The following MSRA variants were observed in gnomAD, a reference collection of about 807,000 sequenced individuals.
The protein encoded by MSRA is methionine sulfoxide reductase A.
In MSRA, 54 loss-of-function variants were observed where a neutral mutation model predicts 31.3. That is an observed-to-expected ratio of 1.73 (90% CI 1.39 to 2.17). MSRA has a LOEUF of 2.17. Among genes scored for constraint, MSRA ranks in the 30% most tolerant of loss-of-function variants. The pLI, the probability that MSRA is intolerant of heterozygous loss-of-function variation, is 0.00. For missense variants in MSRA, 507 were observed against 300.9 expected, an observed-to-expected ratio of 1.69 and a Z score of -5.07; for synonymous variants, 169 against 116.5, an observed-to-expected ratio of 1.45 and a Z score of -2.90.
chr8:10,195,136 A>G (rs1169013938), intron 1 of MSRA, among the ~76,000 whole-genome samples: 2 of 152,186 alleles, frequency 1.3e-5, no homozygotes, highest in African/African-American at 4.8e-5. Flanking sequence ...TAGGACCAGT[A>G]TTTTTACAAG....
intron 1 of MSRA, among the ~76,000 whole-genome samples, chr8:10,188,372 A>T (rs773840840): frequency 6.6e-6 from 1 of 152,230 alleles, no homozygotes; most frequent in Non-Finnish European, 1.5e-5. Context: ...TAACAGTCAC[A>T]TTCCTCTCAT....
intron 1 of MSRA, chr8:10,095,680 A>C (rs1585134657): frequency 9.8e-7 from 1 of 1,016,444 alleles, no homozygotes; most frequent in South Asian, 4.6e-5. Flanking sequence ...GCTTCAGGAA[A>C]GAAAACCGTC....
chr8:10,188,572 T>TA (rs1444191956), intron 1 of MSRA, among the ~76,000 whole-genome samples: 12 of 152,380 alleles, frequency 7.9e-5, no homozygotes, highest in Admixed American at 6.5e-5. Flanking sequence ...CATTTAAAGT[T>TA]AATTGTCGTA....
At chr8:10,059,492 T>C (rs1362771858) in intron 1 of MSRA, among the ~76,000 whole-genome samples, 1 of 152,222 alleles carries the variant, frequency 6.6e-6, no homozygotes, top group Non-Finnish European at 1.5e-5. Context: ...TATACTCTTT[T>C]TCCATTTAGG....
intron 3 of MSRA, among the ~76,000 whole-genome samples, chr8:10,274,893 G>A (rs764080903): frequency 7.2e-5 from 11 of 152,130 alleles, no homozygotes; most frequent in South Asian, 2.1e-4. Context: ...CCATCTATCC[G>A]TCCATCCAAC....
intron 5 of MSRA, among the ~76,000 whole-genome samples, chr8:10,394,144 G>A (rs1385848246): frequency 3.9e-5 from 6 of 152,132 alleles, no homozygotes; most frequent in Non-Finnish European, 7.3e-5. Context: ...CAGTCTCTTC[G>A]ACGTCCTCAT....
rs529872995 is a variant in MSRA at position 10,302,905 on chromosome 8, A to G, written c.436+1267A>G. Among the ~76,000 whole-genome samples the G allele has an allele frequency of 1.4e-3, 211 of 152,286 alleles. 1 individual carries two copies. Among genetic ancestry groups the G allele is most frequent in the Non-Finnish European group, 2.7e-3 (185 of 68,024 alleles). ...AATCAGAAGGTTCACGTGTCACCCT[A>G]GCTTGGGATATGGGACATCACTTCA... On this transcript the variant is annotated intron_variant, in intron 4 of 5. Coordinates refer to ENST00000317173, the MANE Select transcript of MSRA (RefSeq NM_012331.5).
At chr8:10,108,286 AT>A (rs1406566545) in intron 1 of MSRA, among the ~76,000 whole-genome samples, 1 of 152,138 alleles carries the variant, frequency 6.6e-6, no homozygotes, top group East Asian at 1.9e-4. Flanking sequence ...AGATCCTTTC[AT>A]GATTTCCCTG....
At chr8:10,307,812 A>G (rs1003601863) in intron 4 of MSRA, among the ~76,000 whole-genome samples, 8 of 152,178 alleles carry the variant, frequency 5.3e-5, no homozygotes, top group African/African-American at 1.9e-4. Flanking sequence ...TAACCCCAAT[A>G]TTAGGGTTCC....
At chr8:10,217,299 G>C (rs1468615922) in intron 2 of MSRA, among the ~76,000 whole-genome samples, 1 of 152,184 alleles carries the variant, frequency 6.6e-6, no homozygotes, top group South Asian at 2.1e-4. Context: ...CGCAAGTCTC[G>C]TGGCTGTTTG....
chr8:10,382,292 C>T (rs1484089701), intron 5 of MSRA, among the ~76,000 whole-genome samples: 1 of 152,188 alleles, frequency 6.6e-6, no homozygotes, highest in African/African-American at 2.4e-5. Flanking sequence ...TGGCCCTGCC[C>T]TCAGATACCC....
chr8:10,153,218 G>T (rs1267595997), intron 1 of MSRA, among the ~76,000 whole-genome samples: 1 of 152,210 alleles, frequency 6.6e-6, no homozygotes, highest in Non-Finnish European at 1.5e-5. Flanking sequence ...ATAGACAGCA[G>T]ATGGCTGAGA....
intron 2 of MSRA, among the ~76,000 whole-genome samples, chr8:10,226,176 G>T (rs937253414): frequency 3.9e-5 from 6 of 152,202 alleles, no homozygotes; most frequent in African/African-American, 1.4e-4. Context: ...TAGGGGAGGG[G>T]TCACATGTGA....
intron 5 of MSRA, among the ~76,000 whole-genome samples, chr8:10,341,520 A>G (rs1473078234): frequency 1.3e-5 from 2 of 152,318 alleles, no homozygotes; most frequent in Admixed American, 6.5e-5. Flanking sequence ...ACATTTCAAC[A>G]TGAGATTTGG....
At chr8:10,068,298 G>C (rs1563393067) in intron 1 of MSRA, among the ~76,000 whole-genome samples, 3 of 152,118 alleles carry the variant, frequency 2.0e-5, no homozygotes, top group East Asian at 3.9e-4. Flanking sequence ...CAGTATCTTT[G>C]GGAAAGGAGA....
intron 2 of MSRA, among the ~76,000 whole-genome samples, chr8:10,222,839 A>C (rs541765141): frequency 2.4e-4 from 36 of 152,200 alleles, no homozygotes; most frequent in Non-Finnish European, 4.7e-4. Flanking sequence ...GGCTGGAGAG[A>C]TGTTGGTCGA....
chr8:10,410,598 G>A (rs771981185), intron 5 of MSRA, among the ~76,000 whole-genome samples: 2 of 152,176 alleles, frequency 1.3e-5, no homozygotes, highest in Non-Finnish European at 2.9e-5. Context: ...AGAAGGCCAA[G>A]CCTCAAGGTC....
At chr8:10,102,521 G>A (rs74811258) in intron 1 of MSRA, among the ~76,000 whole-genome samples, 1,868 of 152,158 alleles carry the variant, frequency 0.012, 38 homozygotes, top group African/African-American at 0.043. Context: ...TTAGTTGTTT[G>A]TGGAAACATG....
intron 1 of MSRA, among the ~76,000 whole-genome samples, chr8:10,184,204 C>A (rs1806816202): frequency 6.8e-6 from 1 of 147,484 alleles, no homozygotes; most frequent in African/African-American, 2.5e-5. Context: ...GGTGTTGTTG[C>A]CATTGGTGGT....
Sources: gnomAD v4.1 joint callset for allele counts (sites outside exome capture counted in the v4.1 genomes callset) on GRCh38, gnomAD v4.1.1 for gene constraint, MANE v1.5 for transcripts, NCBI Gene and HGNC (gene_info 2026-07-23, HGNC 2026-07-21) for gene names.